Variants in PGM5 observed in about 807,000 individuals in gnomAD.
PGM5 encodes the protein phosphoglucomutase 5.
In PGM5, 23 loss-of-function variants were observed where a neutral mutation model predicts 59.2. The ratio of observed to expected loss-of-function variants is 0.39; its 90% CI spans 0.28 to 0.55. PGM5 has a LOEUF of 0.55. Ranked by LOEUF, PGM5 falls within the 20% of genes least tolerant of loss-of-function variation. PGM5 has a pLI of 0.66. For synonymous variants in PGM5, 214 were observed against 286.0 expected (o/e 0.75, Z 2.54); for missense variants, 574 against 748.3 (o/e 0.77, Z 2.72).
chr9:68,410,330 G>A (rs1304012647), intron 6 of PGM5, among the ~76,000 whole-genome samples: 1 of 152,182 alleles, frequency 6.6e-6, no homozygotes, highest in Non-Finnish European at 1.5e-5. Flanking sequence ...AAAATGAGGG[G>A]TTGTCTTATT....
In PGM5 at chr9:68,357,386, G is replaced by C; in HGVS notation, c.259G>C (p.Gly87Arg). 1 of 1,557,436 alleles carries C rather than the reference G, an allele frequency of 6.4e-7. No individual in the cohort carries two copies. The highest frequency in any genetic ancestry group is 8.7e-7 in the Non-Finnish European group (1 of 1,154,232). The change falls in exon 1 of 11, where the codon GGG (glycine) becomes CGG (arginine). Residue 87 changes from glycine (G) to arginine (R), a missense_variant and splice_region_variant. Physicochemically the swap from Gly to Arg is moderately radical, Grantham distance 125. Around this residue, in one of 7 missense-constraint regions of PGM5, gnomAD observed 61 missense variants for 133.3 expected, o/e 0.46. Coordinates refer to ENST00000396396, the MANE Select transcript of PGM5 (RefSeq NM_021965.4). The stretch of plus-strand genomic sequence containing the variant: ...CGTGGTGCAGATGGCCGCGGCCAAC[G>C]GGGTGAGTGTCCGGATGCCCCTCGC... The part of the protein sequence containing the change: ...EIVVQMAAAN[G>R]IGRLIIGQNG...
At chr9:68,469,177 G>A (rs544795914) in intron 7 of PGM5, among the ~76,000 whole-genome samples, 2 of 152,268 alleles carry the variant, frequency 1.3e-5, no homozygotes, top group Non-Finnish European at 2.9e-5. Context: ...CTTGGCCTCC[G>A]AAAGTGCTGG....
At chr9:68,486,465 A>T (rs1824297862) in intron 9 of PGM5, among the ~76,000 whole-genome samples, 1 of 152,082 alleles carries the variant, frequency 6.6e-6, no homozygotes, top group Non-Finnish European at 1.5e-5. Context: ...GCCCCTGGCA[A>T]CCCCTGATCT....
chr9:68,402,379 A>G (rs1822696530), intron 6 of PGM5: 1 of 152,238 alleles, frequency 6.6e-6, no homozygotes, highest in Admixed American at 6.5e-5. Flanking sequence ...TCTCTCTTGG[A>G]ACTTCTTTTC....
At chr9:68,464,420 T>C (rs1198108453) in intron 6 of PGM5, 1 of 152,206 alleles carries the variant, frequency 6.6e-6, no homozygotes, top group East Asian at 1.9e-4. Flanking sequence ...GAAATGGCCC[T>C]CTAGAGTTGT....
At chr9:68,378,733 G>C (rs1466118365) in intron 2 of PGM5, among the ~76,000 whole-genome samples, 1 of 152,136 alleles carries the variant, frequency 6.6e-6, no homozygotes, top group Non-Finnish European at 1.5e-5. Flanking sequence ...AAGGCCACAG[G>C]GTTGATCAGG....
At chr9:68,454,323 C>T (rs1554684620) in intron 6 of PGM5, among the ~76,000 whole-genome samples, 1 of 152,162 alleles carries the variant, frequency 6.6e-6, no homozygotes, top group Non-Finnish European at 1.5e-5. Context: ...ACTAGCCACA[C>T]CTGTGTAAAC....
intron 6 of PGM5, among the ~76,000 whole-genome samples, chr9:68,400,992 A>T (rs1554680562): frequency 1.3e-5 from 2 of 152,066 alleles, no homozygotes; most frequent in Non-Finnish European, 2.9e-5. Flanking sequence ...TTGTGTGTTG[A>T]CCTACTGGAA....
chr9:68,395,055 C>T (rs200782355), intron 6 of PGM5, among the ~76,000 whole-genome samples: 3 of 152,082 alleles, frequency 2.0e-5, no homozygotes, highest in East Asian at 1.9e-4. Context: ...GAAATTTTTG[C>T]TTCCTCCAAG....
At chr9:68,485,892 T>C (rs1287012601) in intron 9 of PGM5, among the ~76,000 whole-genome samples, 1 of 152,152 alleles carries the variant, frequency 6.6e-6, no homozygotes, top group Non-Finnish European at 1.5e-5. Flanking sequence ...GAGAGACCAG[T>C]TACTTAATAC....
At chr9:68,514,484 C>A (rs1324600833) in intron 10 of PGM5, among the ~76,000 whole-genome samples, 3 of 151,826 alleles carry the variant, frequency 2.0e-5, no homozygotes, top group Admixed American at 2.0e-4. Flanking sequence ...TGCCTGTAAT[C>A]CCAGCTACTC....
rs558235600 is a variant in PGM5 at position 68,384,758 on chromosome 9, A to G, written c.571+214A>G. Among the ~76,000 whole-genome samples, 249 of 149,360 alleles carry G rather than the reference A, an allele frequency of 1.7e-3. 1 individual carries two copies. Among genetic ancestry groups the G allele is most frequent in the African/African-American group, 5.5e-3 (223 of 40,626 alleles). On this transcript the variant is annotated intron_variant, in intron 3 of 10. Coordinates refer to ENST00000396396, the MANE Select transcript of PGM5 (RefSeq NM_021965.4). The stretch of plus-strand genomic sequence containing the variant: ...TTTCAAAAACCACTTCCCAAACTCG[A>G]TATCATTTTCAACATAGGAAAAGTT...
intron 7 of PGM5, chr9:68,466,062 G>T: frequency 3.1e-6 from 3 of 968,926 alleles, no homozygotes; most frequent in East Asian, 6.7e-5. Context: ...GTCCTTCTGA[G>T]GCTCCAATTA....
At chr9:68,439,815 G>T (rs1307111168) in intron 6 of PGM5, among the ~76,000 whole-genome samples, 2 of 151,730 alleles carry the variant, frequency 1.3e-5, no homozygotes, top group African/African-American at 2.4e-5. Flanking sequence ...AAGAGTCCCA[G>T]GGAAGCTGAA....
At chr9:68,395,068 C>T (rs1822465199) in intron 6 of PGM5, among the ~76,000 whole-genome samples, 1 of 152,134 alleles carries the variant, frequency 6.6e-6, no homozygotes, top group East Asian at 1.9e-4. Flanking sequence ...CCTCCAAGGT[C>T]AGAGAGATAT....
At chr9:68,406,988 A>G (rs1434613086) in intron 6 of PGM5, among the ~76,000 whole-genome samples, 11 of 152,006 alleles carry the variant, frequency 7.2e-5, no homozygotes, top group African/African-American at 2.7e-4. Flanking sequence ...CAGAGCTTCC[A>G]GAGGACTCTG....
At chr9:68,477,690 C>T (rs572710836) in intron 7 of PGM5, among the ~76,000 whole-genome samples, 2 of 152,316 alleles carry the variant, frequency 1.3e-5, no homozygotes, top group South Asian at 4.1e-4. Context: ...TGCAGTAATT[C>T]ACACAGCTTT....
chr9:68,451,788 A>C (rs1823701299), intron 6 of PGM5, among the ~76,000 whole-genome samples: 1 of 152,188 alleles, frequency 6.6e-6, no homozygotes, highest in Non-Finnish European at 1.5e-5. Context: ...ACTCTGCCTG[A>C]ATTCAGGTGA....
At chr9:68,471,081 A>G (rs118108273) in intron 7 of PGM5, among the ~76,000 whole-genome samples, 2,250 of 152,262 alleles carry the variant, frequency 0.015, 35 homozygotes, top group Admixed American at 0.024. Context: ...TGATCCTTCT[A>G]TTAATCCTCC....
Sources: gnomAD v4.1 joint callset for allele counts (sites outside exome capture counted in the v4.1 genomes callset) on GRCh38, gnomAD v4.1.1 for gene constraint, gnomAD v4.1.1 regional missense constraint, MANE v1.5 for transcripts, NCBI Gene and HGNC (gene_info 2026-07-23, HGNC 2026-07-21) for gene names.